Variants in ITGB3BP observed in about 807,000 individuals in gnomAD.
ITGB3BP encodes integrin subunit beta 3 binding protein.
In ITGB3BP, 27 loss-of-function variants were observed where a neutral mutation model predicts 29.1. The ratio of observed to expected loss-of-function variants is 0.93; its 90% CI spans 0.68 to 1.28. The LOEUF (loss-of-function observed/expected upper bound fraction) is 1.28, where lower values mean the gene tolerates loss of function less well. Ranked by LOEUF, ITGB3BP falls within the 50% of genes most tolerant of loss-of-function variation. ITGB3BP has a pLI of 0.00. For synonymous variants in ITGB3BP, 61 were observed against 61.4 expected, an observed-to-expected ratio of 0.99 and a Z score of 0.03; for missense variants, 192 against 200.2, an observed-to-expected ratio of 0.96 and a Z score of 0.25.
chr1:63,490,406 TATA>T (rs756582997), intron 2 of ITGB3BP, among the ~76,000 whole-genome samples, 188 bp from the exon 3 acceptor site: 17 of 152,310 alleles, frequency 1.1e-4, no homozygotes, highest in Non-Finnish European at 1.9e-4. Context: ...TTCAGGTCTC[TATA>T]ATAACTAGAA....
At chr1:63,501,378 T>G (rs1283802088) in intron 2 of ITGB3BP, among the ~76,000 whole-genome samples, 2 of 151,944 alleles carry the variant, frequency 1.3e-5, no homozygotes, top group African/African-American at 4.8e-5. Flanking sequence ...CACAAAATTA[T>G]GAGACTCCAT....
At chr1:63,510,993 C>T (rs1009891881) in intron 1 of ITGB3BP, among the ~76,000 whole-genome samples, 1 of 152,138 alleles carries the variant, frequency 6.6e-6, no homozygotes. Context: ...AAAATATTTA[C>T]TCTTTTGTTA....
chr1:63,469,899 G>A (rs375976232), intron 4 of ITGB3BP, among the ~76,000 whole-genome samples: 8 of 152,300 alleles, frequency 5.3e-5, no homozygotes, highest in Non-Finnish European at 7.3e-5. Flanking sequence ...TAACGCCCAC[G>A]CTGTAAGGTT....
chr1:63,459,827 A>G (rs2100529280), intron 4 of ITGB3BP, among the ~76,000 whole-genome samples: 1 of 152,322 alleles, frequency 6.6e-6, no homozygotes, highest in East Asian at 1.9e-4. Flanking sequence ...TACAACTGGC[A>G]TCAGAATTCC....
chr1:63,523,455 G>T, upstream of ITGB3BP: 1 of 437,130 alleles, frequency 2.3e-6, no homozygotes, highest in Non-Finnish European at 4.2e-6. Context: ...CCGGATCAGC[G>T]CTTCCTAGAT....
At chr1:63,484,971 T>C (rs1645499714) in intron 3 of ITGB3BP, among the ~76,000 whole-genome samples, 1 of 152,120 alleles carries the variant, frequency 6.6e-6, no homozygotes, top group African/African-American at 2.4e-5. Flanking sequence ...AGCCTCATTA[T>C]TTTCAATAAA....
Position 63,489,408 on chromosome 1 carries a change from C to CAA in ITGB3BP, c.184+673_184+674dup, listed in dbSNP as rs34702253. On this transcript the variant is annotated intron_variant, in intron 3 of 8. Transcript: ENST00000271002. ...CATGTCACTGATTCATAACCTTTCT[C>CAA]AAAAAAAAAAAACCCCACGGAATCG... Among the ~76,000 whole-genome samples the CAA allele has an allele frequency of 1.3e-3, 182 of 141,850 alleles. 3 individuals are homozygous for CAA. The highest frequency in any genetic ancestry group is 1.9e-3 in the African/African-American group (73 of 38,864). 93.1% of individuals were successfully genotyped at this position (141,850 alleles called of 152,430 possible).
At chr1:63,507,240 G>A (rs192289284) in intron 2 of ITGB3BP, among the ~76,000 whole-genome samples, 49 of 152,196 alleles carry the variant, frequency 3.2e-4, no homozygotes, top group Admixed American at 2.9e-3. Context: ...TAAATCAGTT[G>A]GTACAAGCTT....
chr1:63,458,673 C>G (rs1049476269), intron 4 of ITGB3BP, among the ~76,000 whole-genome samples: 12 of 152,006 alleles, frequency 7.9e-5, no homozygotes, highest in African/African-American at 2.7e-4. Flanking sequence ...TTTGTAACTT[C>G]CAATTGTTTG....
chr1:63,511,486 A>G (rs1646198698), intron 1 of ITGB3BP, among the ~76,000 whole-genome samples: 1 of 152,146 alleles, frequency 6.6e-6, no homozygotes, highest in Non-Finnish European at 1.5e-5. Context: ...TTGTACACCA[A>G]TGTTCACAGC....
chr1:63,493,088 A>ACACACACACACG (rs372348238), intron 2 of ITGB3BP, among the ~76,000 whole-genome samples: 81 of 148,846 alleles, frequency 5.4e-4, no homozygotes, highest in African/African-American at 2.0e-3. Flanking sequence ...ACACACACAC[A>ACACACACACACG]CGCGCGCGCG....
rs369346422 is a variant in ITGB3BP, at chr1:63,455,529, C to T, written c.255-561G>A. ...GTGTGATCATGGCTCACTGCAGCCTCAACCTCCTGGGTTCAATCGATCCTC... is the reference window on the plus strand; with the variant it reads ...GTGTGATCATGGCTCACTGCAGCCTTAACCTCCTGGGTTCAATCGATCCTC... On this transcript the variant is annotated intron_variant, in intron 4 of 8. Coordinates refer to ENST00000271002, the MANE Select transcript of ITGB3BP (RefSeq NM_014288.5). Among the ~76,000 whole-genome samples the T allele has an allele frequency of 6.6e-5, 10 of 152,204 alleles. No homozygotes were observed. The East Asian group carries it at 7.7e-4, about 12-fold the overall frequency.
At chr1:63,465,404 A>G (rs1557617940) in intron 4 of ITGB3BP, among the ~76,000 whole-genome samples, 1 of 151,812 alleles carries the variant, frequency 6.6e-6, no homozygotes, top group Non-Finnish European at 1.5e-5. Context: ...GTATTTATAG[A>G]TATTTTACCC....
upstream of ITGB3BP, chr1:63,523,373 G>A (rs576499048): frequency 3.4e-6 from 2 of 592,084 alleles, no homozygotes; most frequent in East Asian, 2.8e-5. Flanking sequence ...TGGTGTAACA[G>A]AGCACCTTCT....
At chr1:63,492,374 T>C (rs556213306) in intron 2 of ITGB3BP, among the ~76,000 whole-genome samples, 7 of 152,282 alleles carry the variant, frequency 4.6e-5, no homozygotes, top group Admixed American at 1.3e-4. Context: ...CCACTAAATA[T>C]TCTTCAGTAA....
At chr1:63,517,880 C>A (rs1275090371) in intron 1 of ITGB3BP, among the ~76,000 whole-genome samples, 1 of 152,100 alleles carries the variant, frequency 6.6e-6, no homozygotes, top group African/African-American at 2.4e-5. Flanking sequence ...TAACGTCACA[C>A]CTTGTTAATT....
chr1:63,454,960 A>T lies in ITGB3BP; in HGVS notation c.263T>A (p.Met88Lys). The T allele has an allele frequency of 2.0e-6, 3 of 1,510,546 alleles. No individual in the cohort carries two copies. The highest frequency in any genetic ancestry group is 2.8e-6 in the Non-Finnish European group (3 of 1,087,332). The allele number at this position is 1,510,546 out of a possible 1,614,324, so 93.6% of individuals were successfully genotyped here. Residue 88 changes from methionine (M) to lysine (K), a missense_variant, in exon 5 of 9, where the codon ATG becomes AAG. Met to Lys is a moderately conservative substitution (Grantham distance 95). Transcript: ENST00000271002. This position sits in a 1 kb window ranked among gnomAD's most constrained non-coding sequence, Gnocchi z 4.1. ...STTKDNDEFM[M>K]LLSKVEKLSE... The stretch of plus-strand genomic sequence containing the variant: ...CAATTTCTCAACTTTTGATAGCAAC[A>T]TCATGAATCTAGTAATAAAGAAAAA...
intron 3 of ITGB3BP, 98 bp downstream of exon 3, chr1:63,489,985 T>C: frequency 2.0e-6 from 2 of 1,015,472 alleles, no homozygotes; most frequent in Non-Finnish European, 2.9e-6. Context: ...AAGAGAAAAA[T>C]CAGCTGTAGC....
In ITGB3BP at chr1:63,454,906, T is replaced by C; in HGVS notation, c.317A>G (p.Asn106Ser). The part of the protein sequence containing the change: ...LSEEIMEIMQ[N>S]LSSIQALEGS... Reference sequence around the variant, plus strand: ...AATGCAAACCTGTATACTACTTAAATTTTGCATTATCTCCATGATTTCTTC... The same window carrying C: ...AATGCAAACCTGTATACTACTTAAACTTTGCATTATCTCCATGATTTCTTC... The change falls in exon 5 of 9, where the codon AAT becomes AGT. Residue 106 changes from asparagine (N) to serine (S), a missense_variant. By Grantham distance (46) the Asn-to-Ser change is conservative. Coordinates refer to ENST00000271002, the MANE Select transcript of ITGB3BP (RefSeq NM_014288.5). The surrounding 1 kb of genome is among the most constrained non-coding windows in gnomAD (Gnocchi z 4.1). The C allele has an allele frequency of 6.5e-7, 1 of 1,536,170 alleles. No individual in the cohort carries two copies. The highest frequency in any genetic ancestry group is 9.0e-7 in the Non-Finnish European group (1 of 1,110,818).
Sources: allele counts gnomAD v4.1 joint callset (sites outside exome capture counted in the v4.1 genomes callset), GRCh38; gene constraint gnomAD v4.1.1; non-coding constraint Gnocchi (gnomAD v3.1); transcripts MANE v1.5; gene names NCBI Gene and HGNC (gene_info 2026-07-23, HGNC 2026-07-21).